Variants in TRPM3 observed in about 807,000 individuals in gnomAD.
The protein encoded by TRPM3 is long transient receptor potential channel 3.
In TRPM3, 77 loss-of-function variants were observed where a neutral mutation model predicts 181.2. The ratio of observed to expected loss-of-function variants is 0.42; its 90% confidence interval spans 0.35 to 0.51. The LOEUF (loss-of-function observed/expected upper bound fraction) is 0.51, where lower values mean the gene tolerates loss of function less well. Among genes scored for constraint, TRPM3 ranks in the 20% least tolerant of loss-of-function variants. The probability of loss-of-function intolerance (pLI) is 0.01; values close to 1 mark genes in which losing one functional copy is unlikely to be tolerated. For missense variants in TRPM3, 1,759 were observed against 2,196.7 expected (o/e 0.80, Z 3.98); for synonymous variants, 745 against 796.4 (o/e 0.94, Z 1.09).
intron 1 of TRPM3, among the ~76,000 whole-genome samples, chr9:71,389,823 G>A (rs36110869): frequency 0.13 from 19,382 of 151,996 alleles, 1,506 homozygotes; most frequent in Admixed American, 0.19. Context: ...AGGATTCTGC[G>A]GAGTTGAGGG....
At chr9:71,064,633 ATAAGAG>A in intron 1 of TRPM3, among the ~76,000 whole-genome samples, 1 of 152,138 alleles carries the variant, frequency 6.6e-6, no homozygotes, top group Non-Finnish European at 1.5e-5. Flanking sequence ...TGCATGAATT[ATAAGAG>A]TGGTTATTTA....
intron 1 of TRPM3, among the ~76,000 whole-genome samples, chr9:70,885,230 T>C (rs1377001081): frequency 6.6e-6 from 1 of 152,204 alleles, no homozygotes; most frequent in Non-Finnish European, 1.5e-5. Flanking sequence ...TTGGGTATTA[T>C]TGACTATTGC....
At chr9:71,430,810 T>TA (rs201095675) in intron 1 of TRPM3, among the ~76,000 whole-genome samples, 21 of 150,040 alleles carry the variant, frequency 1.4e-4, no homozygotes, top group East Asian at 7.8e-4. Context: ...GACTCCATTT[T>TA]AAAAAAAAAA....
At chr9:71,014,744 G>A (rs2097770886) in intron 1 of TRPM3, among the ~76,000 whole-genome samples, 2 of 152,000 alleles carry the variant, frequency 1.3e-5, no homozygotes, top group South Asian at 2.1e-4. Flanking sequence ...GGCATATATT[G>A]TATACAACAT....
intron 1 of TRPM3, among the ~76,000 whole-genome samples, chr9:71,278,943 A>G (rs183174098): frequency 2.6e-5 from 4 of 152,178 alleles, no homozygotes; most frequent in Non-Finnish European, 4.4e-5. Context: ...AGAAATGCAT[A>G]CTAACACCAT....
intron 1 of TRPM3, among the ~76,000 whole-genome samples, chr9:70,922,727 T>C (rs2096670435): frequency 1.3e-5 from 2 of 152,204 alleles, no homozygotes; most frequent in Non-Finnish European, 2.9e-5. Context: ...TTTCAAAGAA[T>C]TGGAAAGAGA....
intron 19 of TRPM3, among the ~76,000 whole-genome samples, chr9:70,607,198 A>C (rs2061312862): frequency 6.6e-6 from 1 of 152,182 alleles, no homozygotes; most frequent in Admixed American, 6.5e-5. Context: ...GTTATATGGA[A>C]ATGAAGTGTG....
At chr9:71,263,746 T>G (rs201469857) in intron 1 of TRPM3, among the ~76,000 whole-genome samples, 1 of 81,626 alleles carries the variant, frequency 1.2e-5, no homozygotes, top group Non-Finnish European at 2.9e-5. Flanking sequence ...TAATCACCCC[T>G]GGTCTCAAAT....
chr9:71,083,747 C>CACACAG (rs61525199), intron 1 of TRPM3, among the ~76,000 whole-genome samples: 2 of 147,718 alleles, frequency 1.4e-5, no homozygotes, highest in African/African-American at 5.0e-5. Flanking sequence ...CACACACACA[C>CACACAG]TGCACATATG....
intron 1 of TRPM3, among the ~76,000 whole-genome samples, chr9:71,109,378 A>G (rs577950449): frequency 6.6e-6 from 1 of 152,100 alleles, no homozygotes; most frequent in East Asian, 1.9e-4. Flanking sequence ...GATAACATGC[A>G]TCCCCTGAGT....
Position 71,023,768 on chromosome 9 carries a change from T to G in TRPM3, c.177+97410A>C, listed in dbSNP as rs190824769. On this transcript the variant is annotated intron_variant, in intron 1 of 25. Transcript: ENST00000677713. ...TATGAGTTCATTTATATTAAACATT[T>G]GGAAAGACAAAACTTTAGAAATGGA... Among the ~76,000 whole-genome samples, 670 of 151,946 alleles carry G rather than the reference T, an allele frequency of 4.4e-3. 6 individuals carry two copies. The highest frequency in any genetic ancestry group is 0.015 in the African/African-American group (637 of 41,440).
At chr9:71,166,494 C>A (rs144015983) in intron 1 of TRPM3, among the ~76,000 whole-genome samples, 227 of 152,000 alleles carry the variant, frequency 1.5e-3, no homozygotes, top group Middle Eastern at 6.8e-3. Context: ...GCAGCCAAGG[C>A]CATAGTCTAC....
chr9:70,688,085 C>T (rs144717492), intron 8 of TRPM3, among the ~76,000 whole-genome samples: 28 of 152,248 alleles, frequency 1.8e-4, no homozygotes, highest in East Asian at 1.7e-3. Flanking sequence ...TCTACTATTA[C>T]ACTCCTTTTT....
intron 1 of TRPM3, among the ~76,000 whole-genome samples, chr9:71,187,517 T>C (rs938909901): frequency 6.6e-6 from 1 of 151,870 alleles, no homozygotes. Flanking sequence ...ACTGACTCCA[T>C]CAAGAATTCT....
At chr9:71,408,760 A>T (rs1265272232) in intron 1 of TRPM3, among the ~76,000 whole-genome samples, 1 of 152,164 alleles carries the variant, frequency 6.6e-6, no homozygotes, top group Admixed American at 6.5e-5. Context: ...AGAATGCCAC[A>T]AAGATACTCC....
intron 1 of TRPM3, among the ~76,000 whole-genome samples, chr9:71,203,266 G>A (rs540157474): frequency 2.4e-4 from 37 of 152,234 alleles, no homozygotes; most frequent in Non-Finnish European, 5.1e-4. Context: ...ACTTTTCTGG[G>A]CTTCATTCTC....
chr9:71,262,327 C>T (rs1039421005), intron 1 of TRPM3, among the ~76,000 whole-genome samples: 1 of 152,082 alleles, frequency 6.6e-6, no homozygotes, highest in African/African-American at 2.4e-5. Flanking sequence ...AGGGGAAAAC[C>T]ACCTACTCAA....
chr9:70,647,335 T>C (rs1933986327), intron 9 of TRPM3, among the ~76,000 whole-genome samples: 2 of 152,134 alleles, frequency 1.3e-5, no homozygotes, highest in African/African-American at 4.8e-5. Flanking sequence ...TCAAAAAACT[T>C]ATCCATCATG....
chr9:70,810,949 T>G (rs1054124033), intron 6 of TRPM3, among the ~76,000 whole-genome samples: 1 of 152,184 alleles, frequency 6.6e-6, no homozygotes, highest in Non-Finnish European at 1.5e-5. Context: ...CTCCTAGTAG[T>G]ATCCCAATAG....
Sources: allele counts gnomAD v4.1 joint callset (sites outside exome capture counted in the v4.1 genomes callset), GRCh38; gene constraint gnomAD v4.1.1; transcripts MANE v1.5; gene names NCBI Gene and HGNC (gene_info 2026-07-23, HGNC 2026-07-21).